Variants in RAB37 observed in about 807,000 individuals in gnomAD.
RAB37 encodes RAB37, member RAS oncogene family, also known as ras-related protein Rab-37.
In RAB37, 29 loss-of-function variants were observed where a neutral mutation model predicts 33.1. That is an observed-to-expected ratio of 0.88 (90% CI 0.65 to 1.20). The LOEUF (loss-of-function observed/expected upper bound fraction) is 1.20. RAB37 is among the 50% of genes most tolerant of loss of function. The pLI is 0.00. For missense variants in RAB37, 299 were observed against 301.1 expected, an observed-to-expected ratio of 0.99 and a Z score of 0.05; for synonymous variants, 128 against 119.5, an observed-to-expected ratio of 1.07 and a Z score of -0.47.
chr17:74,696,024 T>C (rs2143555092), intron 1 of RAB37, among the ~76,000 whole-genome samples: 1 of 152,178 alleles, frequency 6.6e-6, no homozygotes, highest in Middle Eastern at 3.4e-3. Flanking sequence ...TCAGCCCTTG[T>C]CCCCCTGGCT....
rs1341552418 is a variant in RAB37 at position 74,695,039 on chromosome 17, C to G, written c.72+23381C>G. On this transcript the variant is annotated intron_variant, in intron 1 of 7. Transcript: ENST00000340415. ...ATGAGGGGAGCAGGGGGCAGACGGT[C>G]GATGAGGCAGGAGTGTGCTCACAGC... The G allele has an allele frequency of 2.6e-6, 4 of 1,552,670 alleles. No individual in the cohort carries two copies. In the Admixed American group the frequency reaches 5.8e-5, roughly 22 times the overall value.
At chr17:74,711,091 A>AT (rs1243058470) in intron 1 of RAB37, among the ~76,000 whole-genome samples, 2 of 151,936 alleles carry the variant, frequency 1.3e-5, no homozygotes, top group South Asian at 2.1e-4. Flanking sequence ...CCGGATGGGT[A>AT]TTTTTTTTCT....
chr17:74,700,164 T>C lies in RAB37; in HGVS notation c.72+28506T>C, dbSNP rs183885668. 1.5e-4 allele frequency among the ~76,000 whole-genome samples: 23 copies of C among 149,808 alleles called. No homozygotes were observed. In the East Asian group the frequency reaches 2.6e-3, roughly 17 times the overall value. ...CTCAATAAATAAATAAATAAATAAA[T>C]AAATAAACAAACAAACAAACAATCA... On this transcript the variant is annotated intron_variant, in intron 1 of 7. Transcript: ENST00000340415.
intron 1 of RAB37, among the ~76,000 whole-genome samples, chr17:74,707,194 G>A (rs1340173661): frequency 3.3e-5 from 5 of 152,064 alleles, no homozygotes; most frequent in East Asian, 3.8e-4. Context: ...AGAATGAAGC[G>A]ACAACCTACA....
chr17:74,704,351 G>A, intron 1 of RAB37: 1 of 719,684 alleles, frequency 1.4e-6, no homozygotes, highest in Non-Finnish European at 2.3e-6. Flanking sequence ...TGGTCAGTCA[G>A]GGTTCTATGA....
At chr17:74,722,630 T>C (rs892754233) in intron 1 of RAB37, among the ~76,000 whole-genome samples, 2 of 152,224 alleles carry the variant, frequency 1.3e-5, no homozygotes, top group Non-Finnish European at 2.9e-5. Context: ...CACATAAAAC[T>C]AACCACATGT....
At chr17:74,721,668 G>A (rs1413886465) in intron 1 of RAB37, among the ~76,000 whole-genome samples, 2 of 152,014 alleles carry the variant, frequency 1.3e-5, no homozygotes, top group Non-Finnish European at 2.9e-5. Flanking sequence ...CCCAACCTCA[G>A]GTGATCCGCC....
At position 74,671,593 on chromosome 17, in the gene RAB37, C is replaced by T; in HGVS notation, c.7C>T (p.Leu3=). 4 of 1,614,184 alleles carry T rather than the reference C, an allele frequency of 2.5e-6. No individual in the cohort carries two copies. The highest frequency in any genetic ancestry group is 3.4e-6 in the Non-Finnish European group (4 of 1,180,018). Residue 3 remains leucine, a synonymous_variant, in exon 1 of 8, where the codon CTG becomes TTG. Coordinates refer to the RAB37 transcript ENST00000340415. This position sits in a 1 kb window ranked among gnomAD's most constrained non-coding sequence, Gnocchi z 5.0. ...GGCGAGCTCCAAGCCTGGCATGGAC[C>T]TGCAGAGACCCGATTCCTACCAGGG...
intron 1 of RAB37, among the ~76,000 whole-genome samples, chr17:74,719,930 G>A (rs1163270818): frequency 2.0e-5 from 3 of 152,210 alleles, no homozygotes; most frequent in East Asian, 3.9e-4. Flanking sequence ...CAATCCTCTT[G>A]GCCTCTATTG....
intron 1 of RAB37, among the ~76,000 whole-genome samples, chr17:74,728,059 T>C (rs1481576630): frequency 6.6e-6 from 1 of 152,166 alleles, no homozygotes; most frequent in African/African-American, 2.4e-5. Context: ...TATGCATGTC[T>C]GTATATGCAT....
chr17:74,677,343 C>A (rs150722128), intron 1 of RAB37: 1 of 152,198 alleles, frequency 6.6e-6, no homozygotes, highest in East Asian at 1.9e-4. Context: ...CAGCAAAAGA[C>A]CATACTCGCC....
At chr17:74,710,704 C>CGA (rs1555588650) in intron 1 of RAB37, among the ~76,000 whole-genome samples, 102 of 139,540 alleles carry the variant, frequency 7.3e-4, no homozygotes, top group Non-Finnish European at 1.2e-3. Flanking sequence ...ACTAAAAATA[C>CGA]GAAAAAAAAA....
In RAB37 at chr17:74,671,533, G is replaced by C. The variant is rs935119034; in HGVS notation, c.-54G>C. 1 of 1,578,832 alleles carries C rather than the reference G, an allele frequency of 6.3e-7. No homozygotes were observed. Among genetic ancestry groups the C allele is most frequent in the African/African-American group, 1.3e-5 (1 of 74,204 alleles). On this transcript the variant is annotated 5_prime_UTR_variant, in exon 1 of 8. Transcript: ENST00000340415. This position sits in a 1 kb window ranked among gnomAD's most constrained non-coding sequence, Gnocchi z 5.0. ...CAGCGGAGCTCGAACCGAGCTCCTG[G>C]AAGCGCTGACGCAGAGCGCAGGGAG...
At chr17:74,718,699 A>C (rs1428623811) in intron 1 of RAB37, among the ~76,000 whole-genome samples, 1 of 152,252 alleles carries the variant, frequency 6.6e-6, no homozygotes, top group South Asian at 2.1e-4. Flanking sequence ...CTACAAAAGT[A>C]ATGTGTGTTT....
chr17:74,696,048 C>T (rs2032436267), intron 1 of RAB37: 1 of 1,269,128 alleles, frequency 7.9e-7, no homozygotes, highest in Non-Finnish European at 1.1e-6. Flanking sequence ...TCCAGGCCCT[C>T]AGCCCCCAGG....
At position 74,737,373 on chromosome 17, in the gene RAB37, G is replaced by C. The variant is rs977461787; in HGVS notation, c.93+8G>C. On this transcript the variant is annotated splice_region_variant and intron_variant, in intron 1 of 8. Transcript: ENST00000392613. ...TACGACCTCACGGGCAAGGTGGGTG[G>C]GCCTCTTCCGTGAGACCCCCGCCCT... is the stretch of plus-strand genomic sequence containing the variant. 27 of 1,555,994 alleles carry C rather than the reference G, an allele frequency of 1.7e-5. No homozygotes were observed. Among genetic ancestry groups the C allele is most frequent in the South Asian group, 4.7e-5 (4 of 85,642 alleles).
chr17:74,743,070 C>A, intron 3 of RAB37, 59 bp from the exon 4 acceptor site: 2 of 1,504,954 alleles, frequency 1.3e-6, no homozygotes, highest in South Asian at 1.2e-5. Flanking sequence ...CCTGCTCCAC[C>A]CAGCACATTC....
chr17:74,697,903 C>T (rs1265254088), intron 1 of RAB37, among the ~76,000 whole-genome samples: 1 of 152,144 alleles, frequency 6.6e-6, no homozygotes, highest in African/African-American at 2.4e-5. Context: ...ACTGTGGGAT[C>T]CATGCAGTGT....
At chr17:74,672,689 C>G (rs890801411) in intron 1 of RAB37, 3 of 152,222 alleles carry the variant, frequency 2.0e-5, no homozygotes, top group African/African-American at 7.2e-5. Context: ...GTGTAGTATT[C>G]TTTCCTCTAT....
Sources: gnomAD v4.1 joint callset for allele counts (sites outside exome capture counted in the v4.1 genomes callset) on GRCh38, gnomAD v4.1.1 for gene constraint, Gnocchi (gnomAD v3.1) non-coding constraint, MANE v1.5 for transcripts, NCBI Gene and HGNC (gene_info 2026-07-23, HGNC 2026-07-21) for gene names.